Variants in TFE3 observed in about 807,000 individuals in gnomAD.
The protein encoded by TFE3 is transcription factor binding to IGHM enhancer 3, also known as transcription factor E3.
TFE3 carries 5 observed loss-of-function variants against 35.0 expected under a neutral mutation model. The observed-to-expected ratio is 0.14, with a 90% CI of 0.07 to 0.30. TFE3 has a LOEUF of 0.30. TFE3 is among the 10% of genes least tolerant of loss of function. The pLI, the probability that TFE3 is intolerant of heterozygous loss-of-function variation, is 1.00. For missense variants in TFE3, 374 were observed against 496.6 expected (o/e 0.75, Z 2.35); for synonymous variants, 211 against 215.6 (o/e 0.98, Z 0.18).
chrX:49,032,326 TC>T (rs2147769121), intron 8 of TFE3, among the ~76,000 whole-genome samples: 1 of 109,705 alleles, frequency 9.1e-6, no homozygotes, highest in East Asian at 2.9e-4. Context: ...CCTCCACTTC[TC>T]AGGTTCAAGC....
chrX:49,033,697 C>T, intron 7 of TFE3, 29 bp downstream of exon 7: 1 of 1,208,830 alleles, frequency 8.3e-7, no homozygotes, highest in Non-Finnish European at 1.1e-6. Flanking sequence ...TGCACAGCAC[C>T]CGGGCAATGC....
intron 5 of TFE3, among the ~76,000 whole-genome samples, chrX:49,035,417 TTTTTTTG>T (rs1280741159): frequency 1.4e-3 from 15 of 10,568 alleles, no homozygotes; most frequent in Admixed American, 0.013. Context: ...TTTTTTTTTT[TTTTTTTG>T]GAGACGGAGT....
chrX:49,032,969 T>G (rs1475350378), intron 8 of TFE3, among the ~76,000 whole-genome samples: 1 of 110,773 alleles, frequency 9.0e-6, no homozygotes, highest in Non-Finnish European at 1.9e-5. Flanking sequence ...CCTGGCTAAT[T>G]TTTGTATTTT....
chrX:49,031,620 C>G, intron 8 of TFE3, 76 bp from the exon 9 acceptor site: 1 of 1,035,543 alleles, frequency 9.7e-7, no homozygotes, highest in South Asian at 2.4e-5. Flanking sequence ...GGGATTGCAC[C>G]AGGTGGGAGC....
In TFE3 at chrX:49,029,311, C is replaced by G. The variant is rs1215181407; in HGVS notation, c.*847G>C. 5.5e-6 allele frequency: 1 copy of G among 180,439 alleles called. No individual in the cohort carries two copies. The highest frequency in any genetic ancestry group is 1.1e-5 in the Non-Finnish European group (1 of 94,445). 14.9% of individuals were successfully genotyped at this position (180,439 alleles called of 1,213,427 possible). ...GAAATTTCATAATCTGTCCCCTTCC[C>G]CAAGAGCAAGGTTGGCTCAGAGCCC... is the stretch of plus-strand genomic sequence containing the variant. On this transcript the variant is annotated 3_prime_UTR_variant, in exon 10 of 10. Coordinates refer to ENST00000315869, the MANE Select transcript of TFE3 (RefSeq NM_006521.6).
Position 49,043,094 on chromosome X carries a change from C to A in TFE3, c.116+17G>T, listed in dbSNP as rs1557075957. On this transcript the variant is annotated intron_variant, in intron 1 of 9. Transcript: ENST00000315869. Reference sequence around the variant, plus strand: ...GGGAGCCCCAGTCGGCACTCCCAGCCCCAGGCGGCCCCGCACCTGAGCAGC... The same window carrying A: ...GGGAGCCCCAGTCGGCACTCCCAGCACCAGGCGGCCCCGCACCTGAGCAGC... 2 of 1,146,384 alleles carry A rather than the reference C, an allele frequency of 1.7e-6. No individual in the cohort carries two copies. The highest frequency in any genetic ancestry group is 2.3e-6 in the Non-Finnish European group (2 of 862,865). 94.5% of individuals were successfully genotyped at this position (1,146,384 alleles called of 1,213,427 possible).
rs782082061 is a variant in TFE3 at position 49,029,881 on chromosome X, C to T, written c.*277G>A. ...GAGTCCCACAGGGGCAGGGGTGAGG[C>T]TGTGATCCCCAGGGGGCAGGCCCTG... On this transcript the variant is annotated 3_prime_UTR_variant, in exon 10 of 10. Coordinates refer to ENST00000315869, the MANE Select transcript of TFE3 (RefSeq NM_006521.6). The T allele has an allele frequency of 2.0e-6, 1 of 507,869 alleles. No individual in the cohort carries two copies. Among genetic ancestry groups the T allele is most frequent in the Admixed American group, 2.3e-5 (1 of 42,980 alleles). The allele number at this position is 507,869 out of a possible 1,213,427, so 41.9% of individuals were successfully genotyped here.
chrX:49,039,483 C>T (rs781941664), intron 2 of TFE3, 73 bp from the exon 3 acceptor site: 25 of 1,036,936 alleles, frequency 2.4e-5, no homozygotes, highest in East Asian at 3.4e-5. Flanking sequence ...AGGGTCTTAG[C>T]GTGACGGAGC....
At chrX:49,031,735 C>G (rs1188665310) in intron 8 of TFE3, 191 bp from the exon 9 acceptor site, 10 of 409,031 alleles carry the variant, frequency 2.4e-5, no homozygotes, top group Non-Finnish European at 4.0e-5. Context: ...CCATCACACT[C>G]CAAACCCTGG....
chrX:49,032,270 T>C (rs1208126213), intron 8 of TFE3, among the ~76,000 whole-genome samples: 2 of 111,365 alleles, frequency 1.8e-5, no homozygotes, highest in Non-Finnish European at 3.8e-5. Context: ...AGTCTCGCTC[T>C]GTCACCCAGG....
chrX:49,032,484 C>T (rs1467854656), intron 8 of TFE3, among the ~76,000 whole-genome samples: 11 of 110,658 alleles, frequency 9.9e-5, no homozygotes, highest in African/African-American at 3.3e-4. Flanking sequence ...GTGATCCACC[C>T]GTCTCGGCCT....
intron 5 of TFE3, chrX:49,037,750 G>A (rs2147775018): frequency 6.8e-6 from 2 of 296,034 alleles, no homozygotes; most frequent in Admixed American, 6.0e-5. Context: ...TCACAGCAAA[G>A]CCCAAGCACT....
In TFE3 at chrX:49,030,052, C is replaced by G. The variant is rs1471158757; in HGVS notation, c.*106G>C. 1.1e-6 allele frequency: 1 copy of G among 872,515 alleles called. No homozygotes were observed. Among genetic ancestry groups the G allele is most frequent in the African/African-American group, 2.0e-5 (1 of 49,405 alleles). The allele number at this position is 872,515 out of a possible 1,213,427, so 71.9% of individuals were successfully genotyped here. A position where few individuals can be genotyped will look rare whatever the true frequency, so the allele number is the denominator to read the frequency against. ...TCACATCTCCTCTTCCCCCAGGATA[C>G]CTGGGCAGGGCAGTCTCATGGGAGG... On this transcript the variant is annotated 3_prime_UTR_variant, in exon 10 of 10. Transcript: ENST00000315869.
intron 8 of TFE3, among the ~76,000 whole-genome samples, chrX:49,032,493 C>T (rs1357383569): frequency 9.0e-6 from 1 of 110,848 alleles, no homozygotes; most frequent in African/African-American, 3.3e-5. Context: ...CCGTCTCGGC[C>T]TCCCCAAGTG....
In TFE3 at chrX:49,040,437, T is replaced by C; in HGVS notation, c.230+18A>G. ...CTGAGGAATTGGGAGGGGAATCAGATAGACAAGTCATACATACCTTGAGCG... is the reference window on the plus strand; with the variant it reads ...CTGAGGAATTGGGAGGGGAATCAGACAGACAAGTCATACATACCTTGAGCG... On this transcript the variant is annotated intron_variant, in intron 2 of 9. Coordinates refer to ENST00000315869, the MANE Select transcript of TFE3 (RefSeq NM_006521.6). 8.6e-7 allele frequency: 1 copy of C among 1,168,010 alleles called. No individual in the cohort carries two copies. The highest frequency in any genetic ancestry group is 1.8e-5 in the South Asian group (1 of 55,816).
intron 5 of TFE3, chrX:49,037,699 G>GAAAAA: frequency 2.1e-5 from 2 of 96,408 alleles, no homozygotes. Context: ...ACTCCGTCTC[G>GAAAAA]AAAAAAAAAA....
At chrX:49,034,076 G>T in intron 6 of TFE3, 58 bp downstream of exon 6, 1 of 997,604 alleles carries the variant, frequency 1.0e-6, no homozygotes. Context: ...GACCTGGTAG[G>T]CACAGGGCTC....
At chrX:49,037,908 A>G (rs2064739129) in intron 5 of TFE3, 102 bp downstream of exon 5, 2 of 749,403 alleles carry the variant, frequency 2.7e-6, no homozygotes, top group African/African-American at 2.1e-5. Context: ...TCTTAGCACA[A>G]TCAAGGCAAG....
At chrX:49,041,701 C>T (rs1444327368) in intron 1 of TFE3, among the ~76,000 whole-genome samples, 5 of 111,639 alleles carry the variant, frequency 4.5e-5, no homozygotes, top group African/African-American at 1.6e-4. Flanking sequence ...TCCACTACTG[C>T]GATGATCTAG....
Sources: allele counts gnomAD v4.1 joint callset (sites outside exome capture counted in the v4.1 genomes callset), GRCh38; gene constraint gnomAD v4.1.1; transcripts MANE v1.5; gene names NCBI Gene and HGNC (gene_info 2026-07-23, HGNC 2026-07-21).